Variants in PTCHD4 observed in about 807,000 individuals in gnomAD.
The protein encoded by PTCHD4 is patched domain-containing protein 4.
PTCHD4 carries 33 observed loss-of-function variants against 58.1 expected under a neutral mutation model. That is an observed-to-expected ratio of 0.57 (90% confidence interval 0.43 to 0.76). The LOEUF is 0.76. PTCHD4 is among the 30% of genes least tolerant of loss of function. The probability of loss-of-function intolerance (pLI) is 0.00; values close to 1 mark genes in which losing one functional copy is unlikely to be tolerated. For synonymous variants in PTCHD4, 478 were observed against 409.6 expected (o/e 1.17, Z -2.02); for missense variants, 1,058 against 1,027.1 (o/e 1.03, Z -0.41).
chr6:47,976,786 T>C (rs1767708614), intron 4 of PTCHD4, among the ~76,000 whole-genome samples: 1 of 151,944 alleles, frequency 6.6e-6, no homozygotes, highest in African/African-American at 2.4e-5. Flanking sequence ...AAGAAAAATT[T>C]ATATTATCAA....
At chr6:48,093,467 G>A (rs777346336) in intron 1 of PTCHD4, among the ~76,000 whole-genome samples, 4 of 151,968 alleles carry the variant, frequency 2.6e-5, no homozygotes, top group African/African-American at 7.2e-5. Context: ...CAGGACAAAG[G>A]TATTGGGGAC....
At chr6:47,989,218 G>A (rs568924633) in intron 4 of PTCHD4, among the ~76,000 whole-genome samples, 10 of 152,182 alleles carry the variant, frequency 6.6e-5, no homozygotes, top group Non-Finnish European at 1.2e-4. Flanking sequence ...TTTCTAAGCA[G>A]CAAAGCCTTC....
chr6:48,100,318 G>A (rs1251402535), intron 1 of PTCHD4, among the ~76,000 whole-genome samples: 1 of 152,152 alleles, frequency 6.6e-6, no homozygotes, highest in Non-Finnish European at 1.5e-5. Context: ...TGTCTAAACA[G>A]TAGAGTAAAC....
At chr6:48,035,977 C>T (rs1192448147) in intron 3 of PTCHD4, among the ~76,000 whole-genome samples, 1 of 152,006 alleles carries the variant, frequency 6.6e-6, no homozygotes, top group Non-Finnish European at 1.5e-5. Context: ...TAAGATCACC[C>T]CCTGAATAAA....
At position 48,101,640 on chromosome 6, in the gene PTCHD4, T is replaced by C. The variant is rs6910789; in HGVS notation, c.-970+9409A>G. Among the ~76,000 whole-genome samples the C allele has an allele frequency of 3.5e-3, 537 of 152,340 alleles. 6 individuals are homozygous for C. The highest frequency in any genetic ancestry group is 0.012 in the African/African-American group (503 of 41,584). On this transcript the variant is annotated intron_variant, in intron 1 of 4. Transcript: ENST00000339488. Reference sequence around the variant, plus strand: ...GGTAGCCTCACGATTTATTATAAATTAATAATTCCTGTTCATTCATTTACT... The same window carrying C: ...GGTAGCCTCACGATTTATTATAAATCAATAATTCCTGTTCATTCATTTACT...
intron 4 of PTCHD4, among the ~76,000 whole-genome samples, chr6:47,996,765 T>G (rs1448352873): frequency 6.6e-6 from 1 of 152,204 alleles, no homozygotes; most frequent in Non-Finnish European, 1.5e-5. Context: ...AGGTACAACT[T>G]TTAAACTAAA....
chr6:48,031,552 G>A (rs1012776276), intron 3 of PTCHD4, among the ~76,000 whole-genome samples: 4 of 152,092 alleles, frequency 2.6e-5, no homozygotes, highest in Non-Finnish European at 5.9e-5. Flanking sequence ...ACAGACTGTG[G>A]CTAAAGCCAT....
chr6:48,105,948 G>A (rs897053235), intron 1 of PTCHD4, among the ~76,000 whole-genome samples: 6 of 152,190 alleles, frequency 3.9e-5, no homozygotes, highest in African/African-American at 1.2e-4. Context: ...TGAAATTGAG[G>A]CAATAATTAA....
intron 4 of PTCHD4, among the ~76,000 whole-genome samples, chr6:47,939,292 G>A (rs77437849): frequency 6.6e-6 from 1 of 151,324 alleles, no homozygotes; most frequent in Non-Finnish European, 1.5e-5. Context: ...TTTTAATTCA[G>A]TTGGTCTGGA....
intron 4 of PTCHD4, among the ~76,000 whole-genome samples, chr6:47,895,000 G>A (rs187205791): frequency 8.0e-4 from 122 of 152,206 alleles, no homozygotes; most frequent in African/African-American, 2.8e-3. Context: ...TGGGCATGGT[G>A]GTGCATGCCT....
At chr6:48,044,468 G>A (rs1763962823) in intron 3 of PTCHD4, among the ~76,000 whole-genome samples, 1 of 151,822 alleles carries the variant, frequency 6.6e-6, no homozygotes, top group South Asian at 2.1e-4. Flanking sequence ...GGAGCTGAGG[G>A]TATCTGTTTT....
intron 1 of PTCHD4, among the ~76,000 whole-genome samples, chr6:48,103,768 A>G (rs181078581): frequency 3.9e-5 from 6 of 152,362 alleles, no homozygotes; most frequent in African/African-American, 1.4e-4. Flanking sequence ...GAACTGATGG[A>G]GCTGAAAACC....
chr6:48,061,008 T>A (rs1224117341), intron 3 of PTCHD4, among the ~76,000 whole-genome samples: 1 of 152,220 alleles, frequency 6.6e-6, no homozygotes, highest in Non-Finnish European at 1.5e-5. Context: ...AATAATCCTG[T>A]CTGAAGAAAG....
rs1286306154 is a variant in PTCHD4 at position 48,069,946 on chromosome 6, G to A, written c.-969-20C>T. Reference sequence around the variant, plus strand: ...TTTTGCCTGAAAAAAAAGAGAGTCGGGTGGGTAGAGGGAAACCTATTGGAG... The same window carrying A: ...TTTTGCCTGAAAAAAAAGAGAGTCGAGTGGGTAGAGGGAAACCTATTGGAG... On this transcript the variant is annotated intron_variant, in intron 1 of 4. Transcript: ENST00000339488. Among the ~76,000 whole-genome samples the A allele has an allele frequency of 6.6e-6, 1 of 151,952 alleles. No individual in the cohort carries two copies. Among genetic ancestry groups the A allele is most frequent in the African/African-American group, 2.4e-5 (1 of 41,370 alleles).
intron 1 of PTCHD4, among the ~76,000 whole-genome samples, chr6:48,082,210 A>C (rs1052476211): frequency 6.6e-6 from 1 of 152,226 alleles, no homozygotes; most frequent in Admixed American, 6.5e-5. Flanking sequence ...TTCAGGAGTC[A>C]GGAAATGAAT....
chr6:47,929,477 G>C (rs1450768820), intron 4 of PTCHD4, among the ~76,000 whole-genome samples: 2 of 152,118 alleles, frequency 1.3e-5, no homozygotes, highest in African/African-American at 4.8e-5. Flanking sequence ...TGAAACTTGC[G>C]GTCATTTTAA....
intron 1 of PTCHD4, among the ~76,000 whole-genome samples, chr6:48,102,890 G>T (rs1003190881): frequency 2.0e-5 from 3 of 152,244 alleles, no homozygotes; most frequent in Non-Finnish European, 4.4e-5. Flanking sequence ...CTGCAAGGCG[G>T]CAGTGAGGCT....
chr6:48,053,831 A>G (rs1764316810), intron 3 of PTCHD4, among the ~76,000 whole-genome samples: 1 of 152,136 alleles, frequency 6.6e-6, no homozygotes, highest in Admixed American at 6.6e-5. Context: ...CAGAGCTCCC[A>G]TGGGGGCAAC....
At chr6:48,048,948 A>G (rs535661510) in intron 3 of PTCHD4, among the ~76,000 whole-genome samples, 20 of 152,076 alleles carry the variant, frequency 1.3e-4, no homozygotes. Flanking sequence ...TACTTTTGAC[A>G]TGGAAGGCAC....
Sources: gnomAD v4.1 joint callset for allele counts (sites outside exome capture counted in the v4.1 genomes callset) on GRCh38, gnomAD v4.1.1 for gene constraint, MANE v1.5 for transcripts, NCBI Gene and HGNC (gene_info 2026-07-23, HGNC 2026-07-21) for gene names.